SNRNP200: variants seen among roughly 807,000 people sequenced by gnomAD.
SNRNP200 encodes the protein U5 small nuclear ribonucleoprotein 200 kDa helicase.
A neutral mutation model predicts 255.2 loss-of-function variants in SNRNP200; 66 were observed. That is an observed-to-expected ratio of 0.26 (90% CI 0.21 to 0.32). The LOEUF (loss-of-function observed/expected upper bound fraction) is 0.32. SNRNP200 is among the 10% of genes least tolerant of loss of function. The probability of loss-of-function intolerance (pLI) is 1.00; values close to 1 mark genes in which losing one functional copy is unlikely to be tolerated. For synonymous variants in SNRNP200, 939 were observed against 1,027.8 expected (o/e 0.91, Z 1.65); for missense variants, 1,585 against 2,749.8 (o/e 0.58, Z 9.47).
rs766519568 is a variant in SNRNP200, at chr2:96,296,659, G to A, written c.1548C>T (p.Cys516=). 6.2e-7 allele frequency: 1 copy of A among 1,614,190 alleles called. No individual in the cohort carries two copies. Among genetic ancestry groups the A allele is most frequent in the Admixed American group, 1.7e-5 (1 of 60,020 alleles). The part of the protein sequence containing the change: ...GAGKTNVALM[C]MLREIGKHIN... Reference sequence around the variant, plus strand: ...TGTGTTTCCCAATCTCTCGGAGCATGCACATCAGGGCCACGTTGGTCTTCC... The same window carrying A: ...TGTGTTTCCCAATCTCTCGGAGCATACACATCAGGGCCACGTTGGTCTTCC... The change falls in exon 13 of 45, where the codon TGC becomes TGT. Residue 516 remains cysteine, a synonymous_variant. Transcript: ENST00000323853.
chr2:96,289,704 G>C (rs2063871960), intron 21 of SNRNP200, 95 bp downstream of exon 21: 3 of 1,065,188 alleles, frequency 2.8e-6, no homozygotes, highest in African/African-American at 3.1e-5. Flanking sequence ...TGATTAGATA[G>C]GCAGTACTCA....
At chr2:96,301,386 G>C in intron 4 of SNRNP200, 138 bp downstream of exon 4, 1 of 946,942 alleles carries the variant, frequency 1.1e-6, no homozygotes, top group Non-Finnish European at 1.7e-6. Context: ...TCCATCAATT[G>C]TAACTCTTCA....
Position 96,274,719 on chromosome 2 carries a change from TACAAAG to T in SNRNP200, c.*287_*292del. On this transcript the variant is annotated 3_prime_UTR_variant, in exon 45 of 45. Transcript: ENST00000323853. ...AAGAAAACTTTTAATTTGGAATCAC[TACAAAG>T]ACAAATGGTTTCTACAAATTATTTT... 1 of 453,046 alleles carries T rather than the reference TACAAAG, an allele frequency of 2.2e-6. No homozygotes were observed. The highest frequency in any genetic ancestry group is 4.1e-6 in the Non-Finnish European group (1 of 245,320). 28.1% of individuals were successfully genotyped at this position (453,046 alleles called of 1,614,324 possible). A position where few individuals can be genotyped will look rare whatever the true frequency, so the allele number is the denominator to read the frequency against.
rs1222777617 is a variant in SNRNP200, at chr2:96,290,262, C to T, written c.2742+64G>A. ...TGGCCCGCAGCACAATAGGGACCGA[C>T]CCACTCCTGGTGCCTTGGTGTCTGC... On this transcript the variant is annotated intron_variant, in intron 20 of 44. Coordinates refer to ENST00000323853, the MANE Select transcript of SNRNP200 (RefSeq NM_014014.5). This position sits in a 1 kb window ranked among gnomAD's most constrained non-coding sequence, Gnocchi z 4.5. 3.8e-6 allele frequency: 6 copies of T among 1,564,258 alleles called. No homozygotes were observed. The African/African-American group carries it at 8.1e-5, about 21-fold the overall frequency.
chr2:96,298,456 G>A (rs1463846726), intron 8 of SNRNP200, 36 bp from the exon 9 acceptor site: 1 of 1,613,686 alleles, frequency 6.2e-7, no homozygotes, highest in Admixed American at 1.7e-5. Flanking sequence ...AAGTGAGGAG[G>A]AGGAAATAAG....
intron 16 of SNRNP200, among the ~76,000 whole-genome samples, chr2:96,292,304 A>G (rs1448047463): frequency 6.6e-6 from 1 of 152,258 alleles, no homozygotes; most frequent in African/African-American, 2.4e-5. Flanking sequence ...TAAGTCTGAG[A>G]CTAGTACACT....
At chr2:96,285,404 G>C in intron 29 of SNRNP200, 64 bp from the exon 30 acceptor site, 2 of 1,554,694 alleles carry the variant, frequency 1.3e-6, no homozygotes, top group Non-Finnish European at 1.8e-6. Flanking sequence ...ACTGGGACAT[G>C]GATCAATTGT....
Position 96,283,267 on chromosome 2 carries a change from C to A in SNRNP200, c.4849G>T (p.Val1617Leu). The change falls in exon 34 of 45, where the codon GTG becomes TTG. Residue 1617 changes from valine to leucine, a missense_variant. This residue lies in a region of SNRNP200 where 719 missense variants were observed against 1,091.1 expected (regional missense o/e 0.66). Coordinates refer to ENST00000323853, the MANE Select transcript of SNRNP200 (RefSeq NM_014014.5). This position sits in a 1 kb window ranked among gnomAD's most constrained non-coding sequence, Gnocchi z 4.7. ...CTGAGCCCCTCATGCAGGTAGCCCA[C>A]CCCATTTAGCAGCGTTTCCTTGAGC... ...STLKETLLNG[V>L]GYLHEGLSPM... 2 of 1,614,152 alleles carry A rather than the reference C, an allele frequency of 1.2e-6. No homozygotes were observed. Among genetic ancestry groups the A allele is most frequent in the Non-Finnish European group, 1.7e-6 (2 of 1,180,040 alleles).
At position 96,274,790 on chromosome 2, in the gene SNRNP200, C is replaced by G; in HGVS notation, c.*222G>C. The G allele has an allele frequency of 1.7e-6, 1 of 587,604 alleles. No homozygotes were observed. The highest frequency in any genetic ancestry group is 2.0e-5 in the South Asian group (1 of 50,666). The allele number at this position is 587,604 out of a possible 1,614,324, so 36.4% of individuals were successfully genotyped here. On this transcript the variant is annotated 3_prime_UTR_variant, in exon 45 of 45. Transcript: ENST00000323853. ...CTCAAAAGAACTACCAGGAACATGCCTGAAAATGCTATATATGATTTATGC... is the reference window on the plus strand; with the variant it reads ...CTCAAAAGAACTACCAGGAACATGCGTGAAAATGCTATATATGATTTATGC...
At chr2:96,279,376 CATCT>C in intron 36 of SNRNP200, 71 bp downstream of exon 36, 1 of 934,718 alleles carries the variant, frequency 1.1e-6, no homozygotes, top group South Asian at 1.4e-5. Context: ...TTACTGAAGA[CATCT>C]ATCAAAAGAA....
In SNRNP200 at chr2:96,287,236, T is replaced by TG. The variant is rs1162680409; in HGVS notation, c.3485-77dup. ...TGCAAACTGGGCCTGAGGGCCACTG[T>TG]GGGAAAGGGGTAGGGTCTTCCCTTT... On this transcript the variant is annotated intron_variant, in intron 26 of 44. Coordinates refer to ENST00000323853, the MANE Select transcript of SNRNP200 (RefSeq NM_014014.5). The surrounding 1 kb of genome is among the most constrained non-coding windows in gnomAD (Gnocchi z 5.7). The TG allele has an allele frequency of 1.9e-6, 3 of 1,564,652 alleles. No homozygotes were observed. In the African/African-American group the frequency reaches 4.1e-5, roughly 21 times the overall value.
rs762211193 is a variant in SNRNP200 at position 96,279,009 on chromosome 2, G to A, written c.5134-11C>T. On this transcript the variant is annotated splice_polypyrimidine_tract_variant and intron_variant, in intron 36 of 44. Coordinates refer to ENST00000323853, the MANE Select transcript of SNRNP200 (RefSeq NM_014014.5). ...CTTCTTGAAGAAATCCTGTGGGTTGGAGAGGGAGAAGGAGTAATAAAGAAT... is the reference window on the plus strand; with the variant it reads ...CTTCTTGAAGAAATCCTGTGGGTTGAAGAGGGAGAAGGAGTAATAAAGAAT... The A allele has an allele frequency of 6.2e-6, 10 of 1,610,058 alleles. No individual in the cohort carries two copies. Among genetic ancestry groups the A allele is most frequent in the Non-Finnish European group, 8.5e-6 (10 of 1,176,434 alleles).
Position 96,283,442 on chromosome 2 carries a change from T to C in SNRNP200, c.4764-90A>G, listed in dbSNP as rs1573991429. 3 of 1,612,706 alleles carry C rather than the reference T, an allele frequency of 1.9e-6. No homozygotes were observed. The highest frequency in any genetic ancestry group is 2.2e-5 in the East Asian group (1 of 44,890). On this transcript the variant is annotated intron_variant, in intron 33 of 44. Transcript: ENST00000323853. The surrounding 1 kb of genome is among the most constrained non-coding windows in gnomAD (Gnocchi z 4.7). ...GTGCAGAACCTGGCCCCAAGCAACA[T>C]GGGCTAACCCCACCCTCATAAAGAG...
chr2:96,287,470 C>T lies in SNRNP200; in HGVS notation c.3453G>A (p.Glu1151=), dbSNP rs753513205. The T allele has an allele frequency of 6.2e-7, 1 of 1,613,974 alleles. No individual in the cohort carries two copies. Among genetic ancestry groups the T allele is most frequent in the South Asian group, 1.1e-5 (1 of 91,086 alleles). The change falls in exon 26 of 45, where the codon GAG becomes GAA. Residue 1151 remains glutamate (E), a synonymous_variant. Coordinates refer to ENST00000323853, the MANE Select transcript of SNRNP200 (RefSeq NM_014014.5). This position sits in a 1 kb window ranked among gnomAD's most constrained non-coding sequence, Gnocchi z 5.7. ...KKIEKKNFPF[E]RLYDLNHNEI... ...CATTATGATTCAGGTCGTACAGACG[C>T]TCAAAGGGGAAATTCTTCTTCTCAA... is the stretch of plus-strand genomic sequence containing the variant.
chr2:96,302,402 G>T (rs1259208425), intron 3 of SNRNP200, among the ~76,000 whole-genome samples: 1 of 152,126 alleles, frequency 6.6e-6, no homozygotes, highest in African/African-American at 2.4e-5. Flanking sequence ...CTGACACATG[G>T]TCTCATCCTC....
intron 5 of SNRNP200, among the ~76,000 whole-genome samples, chr2:96,299,655 C>A (rs1278928123): frequency 4.6e-5 from 7 of 152,208 alleles, no homozygotes; most frequent in Non-Finnish European, 8.8e-5. Flanking sequence ...TAGGCTGCTA[C>A]AATGGCAATC....
chr2:96,279,748 TA>T, intron 35 of SNRNP200, 189 bp from the exon 36 acceptor site: 1 of 608,778 alleles, frequency 1.6e-6, no homozygotes, highest in South Asian at 1.7e-5. Context: ...TATAACATTT[TA>T]GTATTCAGTG....
chr2:96,278,765 G>C lies in SNRNP200; in HGVS notation c.5323+44C>G. The C allele has an allele frequency of 1.9e-6, 3 of 1,614,186 alleles. No homozygotes were observed. The highest frequency in any genetic ancestry group is 1.6e-4 in the Middle Eastern group (1 of 6,062). ...CTCAAGAAGATGCCCAGCAAAGACT[G>C]TGAGAACCACCAAAGGATCACGTGT... On this transcript the variant is annotated intron_variant, in intron 37 of 44. Coordinates refer to ENST00000323853, the MANE Select transcript of SNRNP200 (RefSeq NM_014014.5). The surrounding 1 kb of genome is among the most constrained non-coding windows in gnomAD (Gnocchi z 6.9).
At position 96,304,713 on chromosome 2, in the gene SNRNP200, T is replaced by C; in HGVS notation, c.201A>G (p.Arg67=). Residue 67 remains arginine (R), a synonymous_variant, in exon 2 of 45, where the codon AGA becomes AGG. Coordinates refer to ENST00000323853, the MANE Select transcript of SNRNP200 (RefSeq NM_014014.5). ...ATCCCCTTGGCACTCACTTGGCTCT[T>C]CTTTCCTCCTGCATCTGCGGTTTGG... is the stretch of plus-strand genomic sequence containing the variant. ...QRTKPQMQEE[R]RAKRRKRDED... The C allele has an allele frequency of 3.7e-6, 6 of 1,614,126 alleles. No individual in the cohort carries two copies. The highest frequency in any genetic ancestry group is 5.1e-6 in the Non-Finnish European group (6 of 1,179,978).
Sources: allele counts gnomAD v4.1 joint callset (sites outside exome capture counted in the v4.1 genomes callset), GRCh38; gene constraint gnomAD v4.1.1; regional missense constraint gnomAD v4.1.1; non-coding constraint Gnocchi (gnomAD v3.1); transcripts MANE v1.5; gene names NCBI Gene and HGNC (gene_info 2026-07-23, HGNC 2026-07-21).